Variants in CAMK1D observed in about 807,000 individuals in gnomAD.
CAMK1D encodes the protein calcium/calmodulin dependent protein kinase ID, also known as calcium/calmodulin-dependent protein kinase type 1D.
Under a neutral mutation model 47.7 loss-of-function variants are expected in CAMK1D, and 9 were observed. That is an observed-to-expected ratio of 0.19 (90% confidence interval 0.11 to 0.33). The LOEUF (loss-of-function observed/expected upper bound fraction) is 0.33, where lower values mean the gene tolerates loss of function less well. Ranked by LOEUF, CAMK1D falls within the 10% of genes least tolerant of loss-of-function variation. CAMK1D has a pLI of 1.00. For synonymous variants in CAMK1D, 184 were observed against 184.9 expected (o/e 0.99, Z 0.04); for missense variants, 291 against 488.7 (o/e 0.60, Z 3.81).
chr10:12,396,109 G>T (rs1310176389), intron 1 of CAMK1D, among the ~76,000 whole-genome samples: 2 of 152,016 alleles, frequency 1.3e-5, no homozygotes, highest in African/African-American at 4.8e-5. Flanking sequence ...CCTGACCTCA[G>T]GTGAATCACC....
chr10:12,681,618 A>G (rs1832439118), intron 3 of CAMK1D, among the ~76,000 whole-genome samples: 1 of 152,172 alleles, frequency 6.6e-6, no homozygotes, highest in African/African-American at 2.4e-5. Flanking sequence ...CTTTTATTTC[A>G]TTTATTCCAA....
At chr10:12,435,196 A>G (rs1273046064) in intron 1 of CAMK1D, among the ~76,000 whole-genome samples, 1 of 133,226 alleles carries the variant, frequency 7.5e-6, no homozygotes, top group Admixed American at 9.2e-5. Flanking sequence ...GCACTCCGGC[A>G]TGGGCGAGGA....
chr10:12,454,548 A>G (rs181962874), intron 1 of CAMK1D, among the ~76,000 whole-genome samples: 2 of 150,072 alleles, frequency 1.3e-5, no homozygotes, highest in African/African-American at 4.9e-5. Context: ...ATGCAGCCTC[A>G]AATTCCTGGG....
chr10:12,659,548 T>C (rs1428015006), intron 2 of CAMK1D, among the ~76,000 whole-genome samples: 3 of 152,228 alleles, frequency 2.0e-5, no homozygotes, highest in Non-Finnish European at 4.4e-5. Flanking sequence ...TCACTGTTCT[T>C]GTGACTGACA....
intron 3 of CAMK1D, among the ~76,000 whole-genome samples, chr10:12,758,321 A>G (rs912654306): frequency 2.0e-5 from 3 of 152,062 alleles, no homozygotes; most frequent in African/African-American, 7.2e-5. Context: ...AATTTTGAAA[A>G]GTACAAAGAG....
At chr10:12,603,557 G>A (rs1463303974) in intron 2 of CAMK1D, among the ~76,000 whole-genome samples, 1 of 152,146 alleles carries the variant, frequency 6.6e-6, no homozygotes, top group Non-Finnish European at 1.5e-5. Context: ...AGTCCATCCT[G>A]TGCTATTCGA....
rs1237331092 is a variant in CAMK1D, at chr10:12,679,933, C to A, written c.299+13123C>A. On this transcript the variant is annotated intron_variant, in intron 3 of 10. Coordinates refer to ENST00000619168, the MANE Select transcript of CAMK1D (RefSeq NM_153498.4). ...CATGCTGCATAATCCCCAAGGAAAG[C>A]AATCATTGCGAGTTACAGTGGCTCC... is the stretch of plus-strand genomic sequence containing the variant. 1.1e-4 allele frequency among the ~76,000 whole-genome samples: 16 copies of A among 152,218 alleles called. 1 individual carries two copies. The highest frequency in any genetic ancestry group is 1.3e-4 in the Non-Finnish European group (9 of 68,032).
intron 1 of CAMK1D, among the ~76,000 whole-genome samples, chr10:12,472,208 A>G (rs992276661): frequency 1.3e-5 from 2 of 152,104 alleles, no homozygotes; most frequent in Non-Finnish European, 2.9e-5. Flanking sequence ...AGACACAGCG[A>G]TGCTCTGCCT....
chr10:12,367,442 G>A (rs961901722), intron 1 of CAMK1D, among the ~76,000 whole-genome samples: 2 of 151,866 alleles, frequency 1.3e-5, no homozygotes, highest in Admixed American at 1.3e-4. Flanking sequence ...CATTTATTGT[G>A]TACTTTATTC....
intron 2 of CAMK1D, among the ~76,000 whole-genome samples, chr10:12,638,081 A>G (rs975516393): frequency 3.5e-4 from 53 of 152,122 alleles, no homozygotes; most frequent in African/African-American, 1.3e-3. Flanking sequence ...GGCCTCAGAG[A>G]AGGGGAGGCC....
chr10:12,617,705 G>C (rs775411435), intron 2 of CAMK1D, among the ~76,000 whole-genome samples: 3 of 152,054 alleles, frequency 2.0e-5, no homozygotes, highest in African/African-American at 7.2e-5. Context: ...TACCTGCCGG[G>C]TTAGTTTTTT....
intron 5 of CAMK1D, among the ~76,000 whole-genome samples, chr10:12,771,883 A>C (rs1284090504): frequency 6.6e-6 from 1 of 151,986 alleles, no homozygotes; most frequent in Non-Finnish European, 1.5e-5. Flanking sequence ...AAAATACAAA[A>C]ATTAGCCAGG....
At chr10:12,443,055 A>G (rs1832827479) in intron 1 of CAMK1D, among the ~76,000 whole-genome samples, 1 of 151,896 alleles carries the variant, frequency 6.6e-6, no homozygotes, top group South Asian at 2.1e-4. Flanking sequence ...TCTTTATTCC[A>G]TCTACATATG....
chr10:12,668,095 T>C (rs1346412859), intron 3 of CAMK1D, among the ~76,000 whole-genome samples: 1 of 152,206 alleles, frequency 6.6e-6, no homozygotes, highest in African/African-American at 2.4e-5. Flanking sequence ...TAGTTCCTTG[T>C]TCTTCTGTTT....
chr10:12,389,876 T>C (rs899277764), intron 1 of CAMK1D, among the ~76,000 whole-genome samples: 1 of 151,838 alleles, frequency 6.6e-6, no homozygotes, highest in African/African-American at 2.4e-5. Flanking sequence ...TTTAGGTCAG[T>C]GGAAGGGATG....
At chr10:12,428,508 C>T (rs1464829866) in intron 1 of CAMK1D, among the ~76,000 whole-genome samples, 3 of 152,192 alleles carry the variant, frequency 2.0e-5, no homozygotes, top group Non-Finnish European at 4.4e-5. Context: ...TGAGACACCA[C>T]CTTCTCTTTT....
At chr10:12,366,161 A>G (rs151326363) in intron 1 of CAMK1D, among the ~76,000 whole-genome samples, 1 of 152,332 alleles carries the variant, frequency 6.6e-6, no homozygotes, top group African/African-American at 2.4e-5. Flanking sequence ...TCATATGTTG[A>G]TCTTGAATCT....
intron 1 of CAMK1D, among the ~76,000 whole-genome samples, chr10:12,548,264 G>A (rs907199771): frequency 2.0e-5 from 3 of 152,124 alleles, no homozygotes; most frequent in African/African-American, 7.2e-5. Context: ...ACTGACACCA[G>A]CTGGCACCCT....
At chr10:12,373,803 G>A (rs1361712275) in intron 1 of CAMK1D, among the ~76,000 whole-genome samples, 3 of 149,406 alleles carry the variant, frequency 2.0e-5, no homozygotes, top group Admixed American at 6.7e-5. Flanking sequence ...GTCCAGATGC[G>A]GTGGCTCACG....
Sources: allele counts gnomAD v4.1 joint callset (sites outside exome capture counted in the v4.1 genomes callset), GRCh38; gene constraint gnomAD v4.1.1; transcripts MANE v1.5; gene names NCBI Gene and HGNC (gene_info 2026-07-23, HGNC 2026-07-21).